Variants in SEMA3A observed in about 807,000 individuals in gnomAD.
SEMA3A encodes semaphorin 3A, also known as semaphorin-3A.
In SEMA3A, 29 loss-of-function variants were observed where a neutral mutation model predicts 97.9. That is an observed-to-expected ratio of 0.30 (90% CI 0.22 to 0.40). The LOEUF (loss-of-function observed/expected upper bound fraction) is 0.40. Ranked by LOEUF, SEMA3A falls within the 10% of genes least tolerant of loss-of-function variation. The probability of loss-of-function intolerance (pLI) is 1.00; values close to 1 mark genes in which losing one functional copy is unlikely to be tolerated. For synonymous variants in SEMA3A, 321 were observed against 323.7 expected, an observed-to-expected ratio of 0.99 and a Z score of 0.09; for missense variants, 763 against 951.3, an observed-to-expected ratio of 0.80 and a Z score of 2.60.
chr7:84,148,115 A>G (rs1796518449), intron 1 of SEMA3A, among the ~76,000 whole-genome samples: 1 of 151,800 alleles, frequency 6.6e-6, no homozygotes, highest in South Asian at 2.1e-4. Flanking sequence ...GGGTTTTGCC[A>G]TGTTGGCCAG....
At chr7:84,265,510 A>G (rs997681396) in intron 3 of SEMA3A, among the ~76,000 whole-genome samples, 30 of 147,504 alleles carry the variant, frequency 2.0e-4, no homozygotes, top group African/African-American at 6.9e-4. Context: ...TCATATATAT[A>G]TAAAATATAT....
At chr7:84,172,620 G>T (rs1410829830) in intron 1 of SEMA3A, among the ~76,000 whole-genome samples, 1 of 152,004 alleles carries the variant, frequency 6.6e-6, no homozygotes, top group Non-Finnish European at 1.5e-5. Context: ...TAGAGACGGG[G>T]TTTCACTCTG....
chr7:84,402,195 G>T (rs1482414031), intron 1 of SEMA3A, among the ~76,000 whole-genome samples: 1 of 152,010 alleles, frequency 6.6e-6, no homozygotes, highest in Non-Finnish European at 1.5e-5. Flanking sequence ...AAATAAAAAA[G>T]GCCTGGATAG....
chr7:84,387,405 A>G (rs1414022807), intron 1 of SEMA3A, among the ~76,000 whole-genome samples: 1 of 152,216 alleles, frequency 6.6e-6, no homozygotes, highest in Non-Finnish European at 1.5e-5. Context: ...ACACCATTCT[A>G]AGAAAACTAT....
intron 5 of SEMA3A, among the ~76,000 whole-genome samples, chr7:84,055,298 C>G (rs1164488571): frequency 1.3e-5 from 2 of 152,198 alleles, no homozygotes; most frequent in Admixed American, 6.5e-5. Context: ...CGCCCCTCCC[C>G]CCGCCTCGCT....
intron 3 of SEMA3A, among the ~76,000 whole-genome samples, chr7:84,264,946 T>C (rs184707422): frequency 1.3e-5 from 2 of 152,300 alleles, no homozygotes; most frequent in Admixed American, 1.3e-4. Context: ...GTCTCCACTT[T>C]GAGTTTCTCT....
At chr7:84,237,343 C>T (rs1360917354) in intron 3 of SEMA3A, among the ~76,000 whole-genome samples, 3 of 151,964 alleles carry the variant, frequency 2.0e-5, no homozygotes, top group Non-Finnish European at 4.4e-5. Context: ...AAGCAATTAG[C>T]CACTCATTGT....
intron 2 of SEMA3A, among the ~76,000 whole-genome samples, chr7:84,326,891 C>A (rs1466773308): frequency 6.6e-6 from 1 of 151,776 alleles, no homozygotes; most frequent in Non-Finnish European, 1.5e-5. Context: ...TAGGCAATAT[C>A]ATCATGAACA....
Position 84,194,481 on chromosome 7 carries a change from A to C in SEMA3A, c.106T>G (p.Tyr36Asp). Residue 36 changes from tyrosine (Y) to aspartate (D), a missense_variant, in exon 1 of 17, where the codon TAC becomes GAC. By Grantham distance (160) the Tyr-to-Asp change is radical. This residue lies in a region of SEMA3A where 85 missense variants were observed against 70.0 expected (regional missense o/e 1.21). Transcript: ENST00000265362. ...AAAGAAAAATAAGATTTACCTTTGT[A>C]GGATAATTTCAGCCTTGGCACATTG... Reference protein sequence around the residue: ...KNNVPRLKLSYKEMLESNNVI... With the variant: ...KNNVPRLKLSDKEMLESNNVI... The C allele has an allele frequency of 6.3e-7, 1 of 1,595,636 alleles. No individual in the cohort carries two copies. Among genetic ancestry groups the C allele is most frequent in the Non-Finnish European group, 8.6e-7 (1 of 1,163,300 alleles).
intron 2 of SEMA3A, among the ~76,000 whole-genome samples, chr7:84,322,150 C>G (rs181467271): frequency 1.5e-4 from 22 of 151,594 alleles, no homozygotes; most frequent in Non-Finnish European, 2.5e-4. Context: ...GAAACTCCCC[C>G]CATGATTCCA....
chr7:84,319,667 C>A (rs1801599343), intron 2 of SEMA3A, among the ~76,000 whole-genome samples: 1 of 152,150 alleles, frequency 6.6e-6, no homozygotes, highest in Non-Finnish European at 1.5e-5. Context: ...ATATCTGTGA[C>A]ATTATCACCA....
At chr7:84,425,148 A>G (rs1200536453) in intron 1 of SEMA3A, among the ~76,000 whole-genome samples, 1 of 110,756 alleles carries the variant, frequency 9.0e-6, no homozygotes, top group Non-Finnish European at 1.6e-5. Context: ...TATTATATAT[A>G]TTTATATATT....
chr7:84,153,795 T>C (rs1796751707), intron 1 of SEMA3A, among the ~76,000 whole-genome samples: 1 of 152,146 alleles, frequency 6.6e-6, no homozygotes, highest in Admixed American at 6.5e-5. Flanking sequence ...GAAAAGCGTG[T>C]TGATATAAAA....
intron 1 of SEMA3A, among the ~76,000 whole-genome samples, chr7:84,444,655 G>T (rs1038650370): frequency 6.7e-6 from 1 of 148,898 alleles, no homozygotes; most frequent in African/African-American, 2.5e-5. Flanking sequence ...TCCCCCTCCC[G>T]GCTTCACGCC....
intron 1 of SEMA3A, among the ~76,000 whole-genome samples, chr7:84,184,112 T>C (rs537647493): frequency 6.6e-6 from 1 of 152,294 alleles, no homozygotes; most frequent in Admixed American, 6.5e-5. Flanking sequence ...AGTATTAATT[T>C]AGGTCTGATG....
chr7:83,958,037 A>G lies in SEMA3A; in HGVS notation c.*3334T>C, dbSNP rs1170497970. The G allele has an allele frequency of 6.6e-6, 1 of 152,124 alleles. No homozygotes were observed. The highest frequency in any genetic ancestry group is 1.5e-5 in the Non-Finnish European group (1 of 67,974). The allele number at this position is 152,124 out of a possible 1,614,324, so 9.4% of individuals were successfully genotyped here. ...GTGACCTTTAAGATAAGCAATTTCA[A>G]TAACAGTCATCTGACATCTTTGTGG... On this transcript the variant is annotated 3_prime_UTR_variant, in exon 17 of 17. Transcript: ENST00000265362.
intron 1 of SEMA3A, among the ~76,000 whole-genome samples, chr7:84,145,306 T>C (rs1796430064): frequency 6.6e-6 from 1 of 152,172 alleles, no homozygotes; most frequent in African/African-American, 2.4e-5. Context: ...AGTTAAAATA[T>C]GCTGTCTTTA....
chr7:84,200,051 C>T (rs1374922664), upstream of SEMA3A, among the ~76,000 whole-genome samples: 2 of 151,872 alleles, frequency 1.3e-5, no homozygotes, highest in Non-Finnish European at 2.9e-5. Flanking sequence ...CTTCCCTCTC[C>T]CTTTGACTCT....
At chr7:84,345,563 A>G (rs576312881) in intron 2 of SEMA3A, among the ~76,000 whole-genome samples, 1 of 152,276 alleles carries the variant, frequency 6.6e-6, no homozygotes, top group African/African-American at 2.4e-5. Flanking sequence ...AATATTCTAA[A>G]TCCTTTGTCA....
Sources: gnomAD v4.1 joint callset for allele counts (sites outside exome capture counted in the v4.1 genomes callset) on GRCh38, gnomAD v4.1.1 for gene constraint, gnomAD v4.1.1 regional missense constraint, MANE v1.5 for transcripts, NCBI Gene and HGNC (gene_info 2026-07-23, HGNC 2026-07-21) for gene names.